LLGL1: variants seen among roughly 807,000 people sequenced by gnomAD.
LLGL1 encodes LLGL scribble cell polarity complex component 1, also known as lethal(2) giant larvae protein homolog 1.
LLGL1 carries 58 observed loss-of-function variants against 110.6 expected under a neutral mutation model. That is an observed-to-expected ratio of 0.52 (90% confidence interval 0.42 to 0.65). The LOEUF (loss-of-function observed/expected upper bound fraction) is 0.65. LLGL1 is among the 30% of genes least tolerant of loss of function. The probability of loss-of-function intolerance (pLI) is 0.00; values close to 1 mark genes in which losing one functional copy is unlikely to be tolerated. For synonymous variants in LLGL1, 674 were observed against 607.2 expected (o/e 1.11, Z -1.62); for missense variants, 1,229 against 1,462.1 (o/e 0.84, Z 2.60).
intron 21 of LLGL1, 45 bp from the exon 22 acceptor site, chr17:18,242,698 G>A: frequency 6.4e-7 from 1 of 1,564,732 alleles, no homozygotes; most frequent in Non-Finnish European, 8.7e-7. Context: ...AGGGCTGCCA[G>A]GGGCTCCCCC....
At chr17:18,233,491 G>C (rs1012955638) in intron 4 of LLGL1, among the ~76,000 whole-genome samples, 2 of 152,168 alleles carry the variant, frequency 1.3e-5, no homozygotes, top group African/African-American at 4.8e-5. Context: ...GTCCTGGCTT[G>C]GGCAGTGCCC....
At position 18,238,194 on chromosome 17, in the gene LLGL1, G is replaced by T; in HGVS notation, c.2032G>T (p.Ala678Ser). 6.2e-7 allele frequency: 1 copy of T among 1,611,960 alleles called. No individual in the cohort carries two copies. ...RKSRVSGKKR[A>S]ANASSKLQEA... The stretch of plus-strand genomic sequence containing the variant: ...GAGTCGTGTCTCTGGCAAGAAGCGG[G>T]CTGCTAATGCCAGCAGCAAGGTGAG... The change falls in exon 15 of 23, where the codon GCT becomes TCT. Residue 678 changes from alanine to serine, a missense_variant. Transcript: ENST00000316843.
intron 2 of LLGL1, among the ~76,000 whole-genome samples, chr17:18,230,365 C>T (rs944629134): frequency 6.6e-6 from 1 of 152,190 alleles, no homozygotes; most frequent in Non-Finnish European, 1.5e-5. Flanking sequence ...AGGCAGAAGG[C>T]TGGGCTATGA....
Position 18,233,935 on chromosome 17 carries a change from A to G in LLGL1, c.550A>G (p.Ser184Gly). The G allele has an allele frequency of 6.2e-7, 1 of 1,611,386 alleles. No homozygotes were observed. The highest frequency in any genetic ancestry group is 1.3e-5 in the African/African-American group (1 of 75,038). Residue 184 changes from serine to glycine, a missense_variant and splice_region_variant, in exon 5 of 23, where the codon AGC (serine) becomes GGC (glycine). Transcript: ENST00000316843. ...QTLAPGEVLR[S>G]VPDDYRCGKA... ...GCTTGCCCCAGGCGAGGTTCTGCGC[A>G]GGTAAGAGGCCGGTGGGCTTCCCAG... is the stretch of plus-strand genomic sequence containing the variant.
intron 13 of LLGL1, 176 bp from the exon 14 acceptor site, chr17:18,237,305 C>T (rs952064872): frequency 1.5e-6 from 1 of 658,548 alleles, no homozygotes; most frequent in Admixed American, 3.0e-5. Flanking sequence ...TTGTGCTCAG[C>T]CAGGGCCTTG....
chr17:18,232,646 A>G (rs745755971), intron 3 of LLGL1, 26 bp from the exon 4 acceptor site: 2 of 1,614,092 alleles, frequency 1.2e-6, no homozygotes, highest in South Asian at 2.2e-5. Context: ...AGGCCAGCCT[A>G]GTTTTCATCT....
rs1179779082 is a variant in LLGL1, at chr17:18,238,559, T to C, written c.2156T>C (p.Leu719Ser). The stretch of plus-strand genomic sequence containing the variant: ...GAGCCCCGCTCTGCCGATGACTCCT[T>C]GTCGGGTGTCGTGCGTTGCCTATAC... ...RIEPRSADDS[L>S]SGVVRCLYFA... Residue 719 changes from leucine (L) to serine (S), a missense_variant, in exon 16 of 23, where the codon TTG becomes TCG. Coordinates refer to ENST00000316843, the MANE Select transcript of LLGL1 (RefSeq NM_004140.4). 3 of 1,613,044 alleles carry C rather than the reference T, an allele frequency of 1.9e-6. No homozygotes were observed. The highest frequency in any genetic ancestry group is 1.3e-5 in the African/African-American group (1 of 74,942).
intron 2 of LLGL1, among the ~76,000 whole-genome samples, chr17:18,230,536 A>G (rs1023251599): frequency 8.2e-6 from 1 of 122,680 alleles, no homozygotes; most frequent in African/African-American, 3.1e-5. Flanking sequence ...CTGCTGCACA[A>G]TGGGCTGTGT....
chr17:18,235,350 T>A (rs769529415), intron 10 of LLGL1, 38 bp downstream of exon 10: 1 of 1,605,526 alleles, frequency 6.2e-7, no homozygotes, highest in Non-Finnish European at 8.5e-7. Flanking sequence ...CAGGGTGGAG[T>A]CTTGAGGAGG....
At chr17:18,239,682 G>A (rs760204648) in intron 16 of LLGL1, among the ~76,000 whole-genome samples, 30 of 152,082 alleles carry the variant, frequency 2.0e-4, no homozygotes, top group South Asian at 1.2e-3. Flanking sequence ...TTTATTTGTC[G>A]AGGGTCTTTG....
intron 1 of LLGL1, among the ~76,000 whole-genome samples, chr17:18,226,418 G>A (rs958002237): frequency 6.6e-6 from 1 of 152,158 alleles, no homozygotes; most frequent in Non-Finnish European, 1.5e-5. Context: ...GAGAGTTAGT[G>A]GGGGCGAGGC....
At chr17:18,232,212 G>A (rs1167184185) in intron 2 of LLGL1, among the ~76,000 whole-genome samples, 1 of 152,266 alleles carries the variant, frequency 6.6e-6, no homozygotes, top group African/African-American at 2.4e-5. Flanking sequence ...CAACAGTCCT[G>A]TAAAGTGGGA....
chr17:18,231,946 C>T (rs1262327569), intron 2 of LLGL1, among the ~76,000 whole-genome samples: 1 of 152,234 alleles, frequency 6.6e-6, no homozygotes. Flanking sequence ...GAGCGAGCCA[C>T]CGTGCCCAGA....
rs563447303 is a variant in LLGL1 at position 18,234,480 on chromosome 17, T to C, written c.850+72T>C. 2.5e-6 allele frequency: 4 copies of C among 1,591,898 alleles called. No individual in the cohort carries two copies. In the Admixed American group the frequency reaches 6.8e-5, roughly 27 times the overall value. On this transcript the variant is annotated intron_variant, in intron 7 of 22. Transcript: ENST00000316843. ...CACCACTGAGCCAAGCCAAACTGGC[T>C]GAGGAGGGACTTCCCCGAGGGGGTG... is the stretch of plus-strand genomic sequence containing the variant.
rs147425213 is a variant in LLGL1 at position 18,241,482 on chromosome 17, C to G, written c.2534C>G (p.Thr845Ser). ...ACACTGCCCAAGGTGAGCGCGAAGACCAAGTTCAAGCTGACGGCCCATGAG... is the reference window on the plus strand; with the variant it reads ...ACACTGCCCAAGGTGAGCGCGAAGAGCAAGTTCAAGCTGACGGCCCATGAG... ...VFTLPKVSAK[T>S]KFKLTAHEGC... The change falls in exon 18 of 23, where the codon ACC becomes AGC. Residue 845 changes from threonine to serine, a missense_variant. By Grantham distance (58) the Thr-to-Ser change is moderately conservative. Transcript: ENST00000316843. The G allele has an allele frequency of 1.3e-5, 21 of 1,613,688 alleles. No individual in the cohort carries two copies. The highest frequency in any genetic ancestry group is 1.8e-5 in the Non-Finnish European group (21 of 1,179,962).
intron 16 of LLGL1, among the ~76,000 whole-genome samples, chr17:18,239,939 C>T (rs1417618824): frequency 6.6e-6 from 1 of 152,054 alleles, no homozygotes; most frequent in African/African-American, 2.4e-5. Flanking sequence ...GAGCAGGTGC[C>T]GAGTCTGCTC....
chr17:18,240,892 T>C lies in LLGL1; in HGVS notation c.2502+19T>C, dbSNP rs1567695854. On this transcript the variant is annotated intron_variant, in intron 17 of 22. Transcript: ENST00000316843. This position sits in a 1 kb window ranked among gnomAD's most constrained non-coding sequence, Gnocchi z 5.3. ...GTTCAAGGTGAGCCACTGTGGGCTGTGGGGGACTCTGGGGGACTCCCCTCC... is the reference window on the plus strand; with the variant it reads ...GTTCAAGGTGAGCCACTGTGGGCTGCGGGGGACTCTGGGGGACTCCCCTCC... 6.7e-7 allele frequency: 1 copy of C among 1,487,692 alleles called. No individual in the cohort carries two copies. Among genetic ancestry groups the C allele is most frequent in the Non-Finnish European group, 9.0e-7 (1 of 1,109,512 alleles). The allele number at this position is 1,487,692 out of a possible 1,614,324, so 92.2% of individuals were successfully genotyped here. A position where few individuals can be genotyped will look rare whatever the true frequency, so the allele number is the denominator to read the frequency against.
chr17:18,237,275 C>T, intron 13 of LLGL1: 1 of 612,088 alleles, frequency 1.6e-6, no homozygotes, highest in Non-Finnish European at 2.9e-6. Context: ...ACTAGTGTGT[C>T]TTGGTCACCA....
rs1319442579 is a variant in LLGL1 at position 18,242,019 on chromosome 17, C to T, written c.2882+20C>T. The T allele has an allele frequency of 1.3e-6, 2 of 1,599,920 alleles. No individual in the cohort carries two copies. The highest frequency in any genetic ancestry group is 1.7e-6 in the Non-Finnish European group (2 of 1,167,306). On this transcript the variant is annotated intron_variant, in intron 19 of 22. Transcript: ENST00000316843. Reference sequence around the variant, plus strand: ...GGCCAGGTGTGTGGAGGGGCAGCTCCTAGCCTGGGGGACCTGTGCCCAGGG... The same window carrying T: ...GGCCAGGTGTGTGGAGGGGCAGCTCTTAGCCTGGGGGACCTGTGCCCAGGG...
Sources: allele counts gnomAD v4.1 joint callset (sites outside exome capture counted in the v4.1 genomes callset), GRCh38; gene constraint gnomAD v4.1.1; non-coding constraint Gnocchi (gnomAD v3.1); transcripts MANE v1.5; gene names NCBI Gene and HGNC (gene_info 2026-07-23, HGNC 2026-07-21).